THAP4: variants seen among roughly 807,000 people sequenced by gnomAD.
The protein encoded by THAP4 is peroxynitrite isomerase THAP4.
THAP4 carries 18 observed loss-of-function variants against 48.1 expected under a neutral mutation model. The ratio of observed to expected loss-of-function variants is 0.37; its 90% CI spans 0.26 to 0.56. The LOEUF is 0.56. Among genes scored for constraint, THAP4 ranks in the 20% least tolerant of loss-of-function variants. The probability of loss-of-function intolerance (pLI) is 0.78; values close to 1 mark genes in which losing one functional copy is unlikely to be tolerated. For synonymous variants in THAP4, 345 were observed against 324.9 expected (o/e 1.06, Z -0.66); for missense variants, 656 against 774.9 (o/e 0.85, Z 1.82).
In THAP4 at chr2:241,601,248, A is replaced by C. The variant is rs968767732; in HGVS notation, c.1614+648T>G. Reference sequence around the variant, plus strand: ...AGCCGAGATCCCACCTTTGCATTCCAGCCTGGGCAACAGAGCGAAACTCCG... The same window carrying C: ...AGCCGAGATCCCACCTTTGCATTCCCGCCTGGGCAACAGAGCGAAACTCCG... On this transcript the variant is annotated intron_variant, in intron 5 of 5. Coordinates refer to ENST00000407315, the MANE Select transcript of THAP4 (RefSeq NM_015963.6). The surrounding 1 kb of genome is among the most constrained non-coding windows in gnomAD (Gnocchi z 4.0). 2.0e-5 allele frequency among the ~76,000 whole-genome samples: 3 copies of C among 152,226 alleles called. No homozygotes were observed. Among genetic ancestry groups the C allele is most frequent in the African/African-American group, 7.2e-5 (3 of 41,462 alleles).
intron 2 of THAP4, among the ~76,000 whole-genome samples, chr2:241,614,830 G>A (rs578152141): frequency 1.3e-5 from 2 of 152,058 alleles, no homozygotes; most frequent in African/African-American, 4.8e-5. Flanking sequence ...CAGAGGTTGC[G>A]GTGAGCCGAG....
rs1029709218 is a variant in THAP4, at chr2:241,632,099, C to CT, written c.1240+817dup. Among the ~76,000 whole-genome samples the CT allele has an allele frequency of 3.5e-4, 51 of 146,148 alleles. No homozygotes were observed. In the South Asian group the frequency reaches 4.8e-3, roughly 14 times the overall value. On this transcript the variant is annotated intron_variant, in intron 2 of 5. Transcript: ENST00000407315. ...AGAATGTGTTTCAATAGATGTGTGT[C>CT]TTTTTTTTTTGGAGACAGAGTCTTA...
intron 5 of THAP4, among the ~76,000 whole-genome samples, chr2:241,593,224 G>A (rs112676419): frequency 4.6e-5 from 7 of 152,156 alleles, no homozygotes; most frequent in Admixed American, 2.6e-4. Flanking sequence ...CAGCCTGGGC[G>A]ACAGTGCAAG....
Position 241,634,074 on chromosome 2 carries a change from G to A in THAP4, c.83C>T (p.Pro28Leu), listed in dbSNP as rs774133888. Reference sequence around the variant, plus strand: ...GATTAGACGTTTTGAGTCCTTTAGGGGGAACCTACAGGACAAATGACAAAA... The same window carrying A: ...GATTAGACGTTTTGAGTCCTTTAGGAGGAACCTACAGGACAAATGACAAAA... ...EKRAVSFHRF[P>L]LKDSKRLIQW... The change falls in exon 2 of 6, where the codon CCC (proline) becomes CTC (leucine). Residue 28 changes from proline (P) to leucine (L), a missense_variant. Physicochemically the swap from Pro to Leu is moderately conservative, Grantham distance 98 (BLOSUM62 -3). This residue lies in a region of THAP4 where 59 missense variants were observed against 45.8 expected (regional missense o/e 1.29). Transcript: ENST00000407315. 2 of 1,562,470 alleles carry A rather than the reference G, an allele frequency of 1.3e-6. No individual in the cohort carries two copies. The highest frequency in any genetic ancestry group is 1.7e-6 in the Non-Finnish European group (2 of 1,153,536).
intron 2 of THAP4, among the ~76,000 whole-genome samples, chr2:241,609,089 G>A (rs1240606755): frequency 6.6e-6 from 1 of 152,230 alleles, no homozygotes; most frequent in African/African-American, 2.4e-5. Context: ...GTCTCTGACT[G>A]CAACCACAGG....
rs1274614507 is a variant in THAP4 at position 241,637,090 on chromosome 2, G to A, written c.-73C>T. ...CGCCCGCCCGCGGACCGCCCCGAGG[G>A]AGGGAGCGCGGCGGCGACACGGCTC... On this transcript the variant is annotated 5_prime_UTR_variant, in exon 1 of 6. Transcript: ENST00000407315. 4 of 1,030,502 alleles carry A rather than the reference G, an allele frequency of 3.9e-6. No individual in the cohort carries two copies. The highest frequency in any genetic ancestry group is 1.7e-5 in the African/African-American group (1 of 57,368). 63.8% of individuals were successfully genotyped at this position (1,030,502 alleles called of 1,614,324 possible). A position where few individuals can be genotyped will look rare whatever the true frequency, so the allele number is the denominator to read the frequency against.
chr2:241,636,549 G>C (rs1384729875), intron 1 of THAP4, among the ~76,000 whole-genome samples: 1 of 152,240 alleles, frequency 6.6e-6, no homozygotes, highest in Non-Finnish European at 1.5e-5. Context: ...AGCTACGGAG[G>C]CGCAGGTCGC....
intron 2 of THAP4, among the ~76,000 whole-genome samples, chr2:241,615,871 C>T (rs535059069): frequency 5.3e-5 from 8 of 152,320 alleles, no homozygotes; most frequent in South Asian, 2.1e-4. Context: ...AGCTCTTCGC[C>T]GCCCTCAGCC....
intron 2 of THAP4, among the ~76,000 whole-genome samples, chr2:241,622,358 C>T (rs2067438649): frequency 6.6e-6 from 1 of 152,136 alleles, no homozygotes; most frequent in Non-Finnish European, 1.5e-5. Context: ...CAGAGCAAGG[C>T]TCTGTCTCAA....
intron 2 of THAP4, among the ~76,000 whole-genome samples, chr2:241,615,757 C>G (rs1478414625): frequency 6.6e-6 from 1 of 152,220 alleles, no homozygotes; most frequent in Non-Finnish European, 1.5e-5. Flanking sequence ...CCTCCCACCT[C>G]TCCTCTTCAC....
intron 5 of THAP4, among the ~76,000 whole-genome samples, chr2:241,586,227 A>C (rs1048449599): frequency 6.8e-6 from 1 of 146,928 alleles, no homozygotes; most frequent in African/African-American, 2.5e-5. Context: ...ACTGCACTCC[A>C]GCCTGAGCAA....
At chr2:241,604,793 A>G (rs909618089) in intron 3 of THAP4, among the ~76,000 whole-genome samples, 2 of 151,936 alleles carry the variant, frequency 1.3e-5, no homozygotes, top group Non-Finnish European at 2.9e-5. Flanking sequence ...CCTGGACTCA[A>G]GTGATCCACC....
At chr2:241,637,398 T>C, upstream of THAP4, 2 of 1,432,760 alleles carry the variant, frequency 1.4e-6, no homozygotes, top group Non-Finnish European at 1.8e-6. Flanking sequence ...AGAGCTCGCC[T>C]CTGCCGCCTC....
chr2:241,586,304 G>A (rs1250813975), intron 5 of THAP4, among the ~76,000 whole-genome samples: 1 of 151,320 alleles, frequency 6.6e-6, no homozygotes, highest in African/African-American at 2.4e-5. Context: ...CTTTGGGTGG[G>A]GTCCCTGAAG....
At chr2:241,620,915 G>A (rs529577497) in intron 2 of THAP4, among the ~76,000 whole-genome samples, 1 of 152,082 alleles carries the variant, frequency 6.6e-6, no homozygotes, top group South Asian at 2.1e-4. Flanking sequence ...GGCTGGATCT[G>A]ATATTTCATG....
chr2:241,586,259 GA>G (rs1282982169), intron 5 of THAP4, among the ~76,000 whole-genome samples: 359 of 95,404 alleles, frequency 3.8e-3, no homozygotes, highest in African/African-American at 0.015. Context: ...TCCATCTGAA[GA>G]GGAAAAAAAA....
rs922992196 is a variant in THAP4, at chr2:241,623,148, C to G, written c.1240+9769G>C. 2.6e-5 allele frequency among the ~76,000 whole-genome samples: 4 copies of G among 152,122 alleles called. No individual in the cohort carries two copies. In the East Asian group the frequency reaches 7.7e-4, roughly 29 times the overall value. ...TCCTGAATCACTTGAACCAGGGAGT[C>G]GGAGGCTGCAGTGAGCCAACGTTGC... is the stretch of plus-strand genomic sequence containing the variant. On this transcript the variant is annotated intron_variant, in intron 2 of 5. Transcript: ENST00000407315.
Position 241,637,033 on chromosome 2 carries a change from A to G in THAP4, c.-16T>C. ...AGATCACCATCGCGGGCCTTGGCCC[A>G]GCCGCGCAGCCAGGCCCCGGCCCTA... On this transcript the variant is annotated 5_prime_UTR_variant, in exon 1 of 6. Coordinates refer to ENST00000407315, the MANE Select transcript of THAP4 (RefSeq NM_015963.6). The G allele has an allele frequency of 8.0e-7, 1 of 1,244,470 alleles. No homozygotes were observed. The highest frequency in any genetic ancestry group is 5.7e-5 in the East Asian group (1 of 17,662). The allele number at this position is 1,244,470 out of a possible 1,614,324, so 77.1% of individuals were successfully genotyped here.
Position 241,633,131 on chromosome 2 carries a change from G to T in THAP4, c.1026C>A (p.Ile342=). ...ILSASGACKL[I]DSLHSYCFSS... ...AGAAGCAGTAGGAGTGCAGTGAGTC[G>T]ATGAGCTTGCAGGCCCCTGACGCCG... Residue 342 remains isoleucine, a synonymous_variant, in exon 2 of 6, where the codon ATC becomes ATA. Transcript: ENST00000407315. This position sits in a 1 kb window ranked among gnomAD's most constrained non-coding sequence, Gnocchi z 7.5. 6.2e-7 allele frequency: 1 copy of T among 1,612,166 alleles called. No homozygotes were observed. The highest frequency in any genetic ancestry group is 8.5e-7 in the Non-Finnish European group (1 of 1,178,976).
Sources: gnomAD v4.1 joint callset for allele counts (sites outside exome capture counted in the v4.1 genomes callset) on GRCh38, gnomAD v4.1.1 for gene constraint, gnomAD v4.1.1 regional missense constraint, Gnocchi (gnomAD v3.1) non-coding constraint, MANE v1.5 for transcripts, NCBI Gene and HGNC (gene_info 2026-07-23, HGNC 2026-07-21) for gene names.